Variants in DHRS7 observed in about 807,000 individuals in gnomAD.
The protein encoded by DHRS7 is dehydrogenase/reductase 7.
DHRS7 carries 34 observed loss-of-function variants against 38.9 expected under a neutral mutation model. The observed-to-expected ratio is 0.87, with a 90% CI of 0.66 to 1.16. The LOEUF (loss-of-function observed/expected upper bound fraction) is 1.16. Among genes scored for constraint, DHRS7 ranks in the 50% most tolerant of loss-of-function variants. The pLI, the probability that DHRS7 is intolerant of heterozygous loss-of-function variation, is 0.00. For synonymous variants in DHRS7, 158 were observed against 153.1 expected, an observed-to-expected ratio of 1.03 and a Z score of -0.24; for missense variants, 421 against 407.0, an observed-to-expected ratio of 1.03 and a Z score of -0.30.
chr14:60,167,985 A>T (rs1393622555), upstream of DHRS7, among the ~76,000 whole-genome samples: 1 of 152,184 alleles, frequency 6.6e-6, no homozygotes, highest in African/African-American at 2.4e-5. Context: ...TCTGCAATCT[A>T]TTAGCAGCCT....
At chr14:60,155,265 A>G (rs1480019903) in intron 2 of DHRS7, among the ~76,000 whole-genome samples, 1 of 152,158 alleles carries the variant, frequency 6.6e-6, no homozygotes, top group African/African-American at 2.4e-5. Context: ...CATGGCCAAC[A>G]TGGTGAAACC....
In DHRS7 at chr14:60,163,992, C is replaced by G. The variant is rs78563021; in HGVS notation, c.133+1185G>C. On this transcript the variant is annotated intron_variant, in intron 1 of 6. Coordinates refer to ENST00000557185, the MANE Select transcript of DHRS7 (RefSeq NM_016029.4). ...GGATTCCTGCTTTAAAAGGAGAAAG[C>G]CCAATCACTTGCCATAGTTTTGTAG... Among the ~76,000 whole-genome samples, 376 of 152,226 alleles carry G rather than the reference C, an allele frequency of 2.5e-3. 1 individual carries two copies. The highest frequency in any genetic ancestry group is 8.8e-3 in the African/African-American group (364 of 41,536).
At chr14:60,164,140 G>C (rs1357783432) in intron 1 of DHRS7, among the ~76,000 whole-genome samples, 6 of 150,946 alleles carry the variant, frequency 4.0e-5, no homozygotes, top group Admixed American at 3.9e-4. Context: ...CTCGGGTGGG[G>C]TTAAGCTTTG....
At position 60,149,851 on chromosome 14, in the gene DHRS7, T is replaced by C. The variant is rs542111851; in HGVS notation, c.756+214A>G. The stretch of plus-strand genomic sequence containing the variant: ...ATCACCCTAATGTGCTTAATGACAA[T>C]TATCACTTTTGTAATAAAAATCAAA... On this transcript the variant is annotated intron_variant, in intron 5 of 6. Coordinates refer to ENST00000557185, the MANE Select transcript of DHRS7 (RefSeq NM_016029.4). Among the ~76,000 whole-genome samples, 17 of 152,172 alleles carry C rather than the reference T, an allele frequency of 1.1e-4. No individual in the cohort carries two copies. The South Asian group carries it at 3.3e-3, about 30-fold the overall frequency.
At chr14:60,158,153 A>C (rs1200386414) in intron 1 of DHRS7, among the ~76,000 whole-genome samples, 2 of 150,960 alleles carry the variant, frequency 1.3e-5, no homozygotes, top group Non-Finnish European at 2.9e-5. Flanking sequence ...GAATTGCTTG[A>C]ACCTGGGAGG....
chr14:60,163,496 A>G lies in DHRS7; in HGVS notation c.133+1681T>C, dbSNP rs908330894. Among the ~76,000 whole-genome samples the G allele has an allele frequency of 4.6e-5, 7 of 152,184 alleles. No individual in the cohort carries two copies. In the East Asian group the frequency reaches 7.7e-4, roughly 17 times the overall value. On this transcript the variant is annotated intron_variant, in intron 1 of 6. Transcript: ENST00000557185. ...ATGTAACTTACTTAGATAAATAGCA[A>G]TTTATCAAACTACATGTGCAAATTT...
chr14:60,168,917 A>T, upstream of DHRS7: 1 of 798,954 alleles, frequency 1.3e-6, no homozygotes, highest in Non-Finnish European at 1.8e-6. Context: ...TAACTAACCC[A>T]TTGAAGTTTT....
rs1054224203 is a variant in DHRS7, at chr14:60,162,323, T to C, written c.133+2854A>G. On this transcript the variant is annotated intron_variant, in intron 1 of 6. Transcript: ENST00000557185. This position sits in a 1 kb window ranked among gnomAD's most constrained non-coding sequence, Gnocchi z 4.5. ...AGGAGTTCGAGGCTGCAGTGAGCTATGATCATGCCACTGCACTCCAGGCTG... is the reference window on the plus strand; with the variant it reads ...AGGAGTTCGAGGCTGCAGTGAGCTACGATCATGCCACTGCACTCCAGGCTG... 2.0e-5 allele frequency among the ~76,000 whole-genome samples: 3 copies of C among 151,628 alleles called. No homozygotes were observed. Among genetic ancestry groups the C allele is most frequent in the Non-Finnish European group, 4.4e-5 (3 of 67,954 alleles).
chr14:60,149,677 A>G (rs953428684), intron 5 of DHRS7, 109 bp from the exon 6 acceptor site: 3 of 794,666 alleles, frequency 3.8e-6, no homozygotes, highest in East Asian at 2.6e-5. Flanking sequence ...GTGGAGCTTC[A>G]TGCCCCTTAG....
intron 4 of DHRS7, among the ~76,000 whole-genome samples, chr14:60,151,054 G>A (rs1896534784): frequency 6.6e-6 from 1 of 152,068 alleles, no homozygotes; most frequent in Non-Finnish European, 1.5e-5. Flanking sequence ...AAATTTTTGG[G>A]GCAAAGGTGA....
chr14:60,168,791 C>G (rs1325104380), upstream of DHRS7: 3 of 1,534,982 alleles, frequency 2.0e-6, no homozygotes, highest in Admixed American at 2.1e-5. Flanking sequence ...ATACTCCATC[C>G]CATTGGCTTG....
intron 1 of DHRS7, chr14:60,158,923 A>G: frequency 4.3e-6 from 1 of 232,120 alleles, no homozygotes; most frequent in Middle Eastern, 1.7e-3. Flanking sequence ...AGTGGGCAGT[A>G]ATCCTGCCTT....
Position 60,153,873 on chromosome 14 carries a change from A to G in DHRS7, c.393+86T>C. The G allele has an allele frequency of 8.1e-7, 1 of 1,238,566 alleles. No homozygotes were observed. The highest frequency in any genetic ancestry group is 1.2e-6 in the Non-Finnish European group (1 of 845,688). 76.7% of individuals were successfully genotyped at this position (1,238,566 alleles called of 1,614,324 possible). On this transcript the variant is annotated intron_variant, in intron 3 of 6. Transcript: ENST00000557185. The surrounding 1 kb of genome is among the most constrained non-coding windows in gnomAD (Gnocchi z 4.4). ...CACTGCATGGACCCCACTTGCCTAA[A>G]GCCCTTTGTATGACAGCACCACGGA...
upstream of DHRS7, chr14:60,169,026 A>C: frequency 3.9e-6 from 1 of 258,980 alleles, no homozygotes; most frequent in African/African-American, 2.2e-5. Flanking sequence ...GACTGCCTGG[A>C]AGGCAGAAGT....
At chr14:60,160,110 GA>G (rs1896734268) in intron 1 of DHRS7, among the ~76,000 whole-genome samples, 1 of 152,234 alleles carries the variant, frequency 6.6e-6, no homozygotes, top group Admixed American at 6.5e-5. Context: ...AGGATCACCT[GA>G]GATCAGGAGT....
chr14:60,164,529 T>C (rs933386131), intron 1 of DHRS7, among the ~76,000 whole-genome samples: 2 of 152,178 alleles, frequency 1.3e-5, no homozygotes, highest in Non-Finnish European at 2.9e-5. Context: ...TGAGCCAACA[T>C]ACAGCAAATG....
At chr14:60,149,917 A>G (rs1896500810) in intron 5 of DHRS7, 148 bp downstream of exon 5, 2 of 818,076 alleles carry the variant, frequency 2.4e-6, no homozygotes, top group Admixed American at 2.8e-5. Flanking sequence ...TTCCATAAAC[A>G]ATTTTCATAA....
chr14:60,145,010 C>T lies in DHRS7; in HGVS notation c.976G>A (p.Ala326Thr). 1 of 1,589,242 alleles carries T rather than the reference C, an allele frequency of 6.3e-7. No homozygotes were observed. Residue 326 changes from alanine (A) to threonine (T), a missense_variant, in exon 7 of 7, where the codon GCA becomes ACA. Coordinates refer to ENST00000557185, the MANE Select transcript of DHRS7 (RefSeq NM_016029.4). This position sits in a 1 kb window ranked among gnomAD's most constrained non-coding sequence, Gnocchi z 4.0. ...AAGATTTTAAAATAAGAAGAGTCTG[C>T]ATCCTGTAAAAGAGGGACAGAAACA... ...RIENFKSGVD[A>T]DSSYFKIFKT...
chr14:60,153,284 G>A lies in DHRS7; in HGVS notation c.394-106C>T. On this transcript the variant is annotated intron_variant, in intron 3 of 6. Transcript: ENST00000557185. This position sits in a 1 kb window ranked among gnomAD's most constrained non-coding sequence, Gnocchi z 4.4. The stretch of plus-strand genomic sequence containing the variant: ...ATTTTGTTAACTTAAAGAATCAATG[G>A]AACAATGGTATATTTCCAGAAGTCA... 7.8e-7 allele frequency: 1 copy of A among 1,274,784 alleles called. No homozygotes were observed. Among genetic ancestry groups the A allele is most frequent in the South Asian group, 1.4e-5 (1 of 70,632 alleles). The allele number at this position is 1,274,784 out of a possible 1,614,324, so 79.0% of individuals were successfully genotyped here. A position where few individuals can be genotyped will look rare whatever the true frequency, so the allele number is the denominator to read the frequency against.
Sources: gnomAD v4.1 joint callset for allele counts (sites outside exome capture counted in the v4.1 genomes callset) on GRCh38, gnomAD v4.1.1 for gene constraint, Gnocchi (gnomAD v3.1) non-coding constraint, MANE v1.5 for transcripts, NCBI Gene and HGNC (gene_info 2026-07-23, HGNC 2026-07-21) for gene names.